The following CDK14 variants were observed in gnomAD, a reference collection of about 807,000 sequenced individuals.
CDK14 encodes the protein cyclin-dependent kinase 14.
In CDK14, 34 loss-of-function variants were observed where a neutral mutation model predicts 60.7. The ratio of observed to expected loss-of-function variants is 0.56; its 90% CI spans 0.43 to 0.75. CDK14 has a LOEUF of 0.75. Ranked by LOEUF, CDK14 falls within the 30% of genes least tolerant of loss-of-function variation. The pLI is 0.00. For synonymous variants in CDK14, 197 were observed against 203.7 expected (o/e 0.97, Z 0.28); for missense variants, 482 against 564.1 (o/e 0.85, Z 1.47).
intron 2 of CDK14, among the ~76,000 whole-genome samples, chr7:90,674,303 C>A (rs1445836882): frequency 1.3e-5 from 2 of 152,116 alleles, no homozygotes; most frequent in East Asian, 3.9e-4. Context: ...TATTGTTGAA[C>A]CTCTAGCTGG....
chr7:91,106,680 T>C (rs887300549), intron 12 of CDK14, among the ~76,000 whole-genome samples: 5 of 152,228 alleles, frequency 3.3e-5, no homozygotes, highest in Admixed American at 1.3e-4. Context: ...GAACTCTAAA[T>C]TTTAAGTTAA....
intron 14 of CDK14, among the ~76,000 whole-genome samples, chr7:91,197,226 C>G (rs1319090439): frequency 6.6e-6 from 1 of 151,990 alleles, no homozygotes; most frequent in Non-Finnish European, 1.5e-5. Flanking sequence ...ATGGTGAAAC[C>G]CTGTCTCTAC....
At chr7:90,999,405 G>A (rs1795780541) in intron 10 of CDK14, among the ~76,000 whole-genome samples, 1 of 143,956 alleles carries the variant, frequency 6.9e-6, no homozygotes, top group Non-Finnish European at 1.5e-5. Flanking sequence ...TGGCCAACAT[G>A]GTGAAACCCC....
At chr7:90,994,387 C>G (rs1795620836) in intron 10 of CDK14, among the ~76,000 whole-genome samples, 1 of 152,168 alleles carries the variant, frequency 6.6e-6, no homozygotes, top group South Asian at 2.1e-4. Context: ...TGTGGTTTCT[C>G]TTAATTTAGC....
chr7:91,029,576 C>T (rs181313358), intron 10 of CDK14, among the ~76,000 whole-genome samples: 1 of 139,852 alleles, frequency 7.2e-6, no homozygotes, highest in East Asian at 2.0e-4. Flanking sequence ...TTCCTTCTCT[C>T]TCCTCTCCTC....
intron 5 of CDK14, among the ~76,000 whole-genome samples, chr7:90,859,076 C>T (rs939518975): frequency 3.1e-4 from 47 of 152,148 alleles, no homozygotes; most frequent in African/African-American, 1.1e-3. Context: ...TAAGTTTCTC[C>T]TGGCAGATAT....
intron 2 of CDK14, among the ~76,000 whole-genome samples, chr7:90,633,129 A>G (rs945985247): frequency 1.3e-5 from 2 of 152,034 alleles, no homozygotes; most frequent in African/African-American, 4.8e-5. Context: ...CAGTGTACAT[A>G]GGTATGCACA....
intron 14 of CDK14, among the ~76,000 whole-genome samples, chr7:91,197,756 C>T (rs1802591152): frequency 6.6e-6 from 1 of 152,234 alleles, no homozygotes; most frequent in African/African-American, 2.4e-5. Flanking sequence ...TAATGGTACA[C>T]ATTCCGTTAA....
intron 2 of CDK14, among the ~76,000 whole-genome samples, chr7:90,614,125 GC>G (rs1489541595): frequency 6.6e-6 from 1 of 151,054 alleles, no homozygotes; most frequent in Non-Finnish European, 1.5e-5. Context: ...TCCTGCCTCA[GC>G]CTCCCAAGTA....
At chr7:90,904,429 A>C (rs992413322) in intron 7 of CDK14, among the ~76,000 whole-genome samples, 12 of 152,246 alleles carry the variant, frequency 7.9e-5, no homozygotes, top group African/African-American at 2.9e-4. Context: ...ATAAAACAAA[A>C]ATGTGGTATT....
chr7:90,736,350 G>GTTTTTTTTTTTTTTTTTTTTT (rs869290471), intron 3 of CDK14, among the ~76,000 whole-genome samples: 1 of 50,314 alleles, frequency 2.0e-5, no homozygotes, highest in Non-Finnish European at 3.7e-5. Context: ...TTATGTTTTT[G>GTTTTTTTTTTTTTTTTTTTTT]TTTTTTTTTT....
intron 8 of CDK14, among the ~76,000 whole-genome samples, chr7:90,944,086 C>T (rs1162642830): frequency 1.3e-5 from 2 of 152,162 alleles, no homozygotes; most frequent in Non-Finnish European, 2.9e-5. Flanking sequence ...TACGTGCACA[C>T]TTCATCCTTC....
intron 5 of CDK14, among the ~76,000 whole-genome samples, chr7:90,796,812 AG>A (rs1412321857): frequency 6.6e-6 from 1 of 151,366 alleles, no homozygotes; most frequent in Non-Finnish European, 1.5e-5. Flanking sequence ...AGCTCACAAG[AG>A]TTTAGCGTAA....
chr7:91,021,605 G>A (rs1433325946), intron 10 of CDK14, among the ~76,000 whole-genome samples: 1 of 152,186 alleles, frequency 6.6e-6, no homozygotes, highest in Non-Finnish European at 1.5e-5. Context: ...ATAGAGACAT[G>A]TTGAAATTAA....
intron 2 of CDK14, among the ~76,000 whole-genome samples, chr7:90,649,565 C>T (rs904675648): frequency 1.3e-5 from 2 of 150,614 alleles, no homozygotes; most frequent in Non-Finnish European, 2.9e-5. Flanking sequence ...CATCCATTAA[C>T]TCGTCATTTA....
chr7:90,621,817 T>C (rs1799776535), intron 2 of CDK14, among the ~76,000 whole-genome samples: 1 of 152,180 alleles, frequency 6.6e-6, no homozygotes, highest in Non-Finnish European at 1.5e-5. Flanking sequence ...CTATTATTTC[T>C]ATTTTTACAG....
chr7:90,742,719 A>G (rs1449708459), intron 3 of CDK14, among the ~76,000 whole-genome samples: 2 of 152,000 alleles, frequency 1.3e-5, no homozygotes, highest in Admixed American at 6.5e-5. Flanking sequence ...GCTGCATGCC[A>G]TAGGTCTTAA....
At chr7:90,849,674 A>C (rs1172206771) in intron 5 of CDK14, among the ~76,000 whole-genome samples, 2 of 151,962 alleles carry the variant, frequency 1.3e-5, no homozygotes, top group African/African-American at 2.4e-5. Context: ...GAAGCACAGG[A>C]TGGCAGAGGT....
chr7:90,833,321 C>A (rs1172359492), intron 5 of CDK14, among the ~76,000 whole-genome samples: 1 of 152,250 alleles, frequency 6.6e-6, no homozygotes, highest in East Asian at 1.9e-4. Context: ...ATCTGCATGT[C>A]AGAATCCCTT....
Sources: gnomAD v4.1 joint callset for allele counts (sites outside exome capture counted in the v4.1 genomes callset) on GRCh38, gnomAD v4.1.1 for gene constraint, MANE v1.5 for transcripts, NCBI Gene and HGNC (gene_info 2026-07-23, HGNC 2026-07-21) for gene names.